The following SYK variants were observed in gnomAD, a reference collection of about 807,000 sequenced individuals.
SYK encodes the protein tyrosine-protein kinase SYK.
In SYK, 16 loss-of-function variants were observed where a neutral mutation model predicts 77.8. That is an observed-to-expected ratio of 0.21 (90% CI 0.14 to 0.31). SYK has a LOEUF of 0.31. Among genes scored for constraint, SYK ranks in the 10% least tolerant of loss-of-function variants. The pLI is 1.00. For synonymous variants in SYK, 312 were observed against 308.7 expected, an observed-to-expected ratio of 1.01 and a Z score of -0.11; for missense variants, 529 against 814.4, an observed-to-expected ratio of 0.65 and a Z score of 4.26.
At chr9:90,863,961 A>G (rs1827369792) in intron 4 of SYK, among the ~76,000 whole-genome samples, 2 of 152,232 alleles carry the variant, frequency 1.3e-5, no homozygotes, top group Non-Finnish European at 2.9e-5. Context: ...GGTAGATCAT[A>G]GCATTCATCC....
chr9:90,845,686 A>G, intron 3 of SYK, 92 bp downstream of exon 3: 1 of 1,479,586 alleles, frequency 6.8e-7, no homozygotes, highest in Non-Finnish European at 9.2e-7. Context: ...GCCCCACATG[A>G]CCCTGGGAAG....
chr9:90,821,654 G>A (rs961311687), intron 1 of SYK, among the ~76,000 whole-genome samples: 7 of 152,158 alleles, frequency 4.6e-5, no homozygotes, highest in African/African-American at 1.4e-4. Context: ...TCACAGAGTG[G>A]CACAAAATTT....
chr9:90,831,696 G>A lies in SYK; in HGVS notation c.-41-12162G>A, dbSNP rs181531227. On this transcript the variant is annotated intron_variant, in intron 1 of 13. Coordinates refer to ENST00000375754, the MANE Select transcript of SYK (RefSeq NM_003177.7). ...TCACAGCACTTTTGCAGTCATTTGT[G>A]ACGTGCACAAAGCAGTGAAAAATTT... 3.5e-4 allele frequency among the ~76,000 whole-genome samples: 53 copies of A among 152,318 alleles called. No homozygotes were observed. In the East Asian group the frequency reaches 9.6e-3, roughly 28 times the overall value.
At chr9:90,836,094 C>G (rs1388231617) in intron 1 of SYK, among the ~76,000 whole-genome samples, 1 of 152,080 alleles carries the variant, frequency 6.6e-6, no homozygotes, top group African/African-American at 2.4e-5. Context: ...CGAGATCATC[C>G]TGGCTAACAA....
At chr9:90,831,041 G>A (rs1825870860) in intron 1 of SYK, among the ~76,000 whole-genome samples, 1 of 152,182 alleles carries the variant, frequency 6.6e-6, no homozygotes, top group African/African-American at 2.4e-5. Context: ...TGATAAGCCT[G>A]GATATCTTTC....
chr9:90,837,692 A>C (rs1361159992), intron 1 of SYK, among the ~76,000 whole-genome samples: 1 of 152,168 alleles, frequency 6.6e-6, no homozygotes, highest in Admixed American at 6.5e-5. Context: ...GAAAGGAAGG[A>C]CCAGGTGAGA....
chr9:90,854,975 C>T (rs1826964482), intron 3 of SYK, among the ~76,000 whole-genome samples: 1 of 149,108 alleles, frequency 6.7e-6, no homozygotes, highest in Non-Finnish European at 1.5e-5. Flanking sequence ...CTTCCCCCTA[C>T]AGCCCGCCTC....
chr9:90,868,779 A>G (rs1428549721), intron 7 of SYK, among the ~76,000 whole-genome samples: 1 of 152,192 alleles, frequency 6.6e-6, no homozygotes, highest in Non-Finnish European at 1.5e-5. Flanking sequence ...TCTGTAAGAA[A>G]GGCTCTGCAA....
intron 1 of SYK, among the ~76,000 whole-genome samples, chr9:90,835,281 G>A (rs1826029866): frequency 6.6e-6 from 1 of 152,234 alleles, no homozygotes; most frequent in Non-Finnish European, 1.5e-5. Flanking sequence ...GAAAAGGGAA[G>A]CTGTTCATTC....
At chr9:90,852,411 C>T (rs183126662) in intron 3 of SYK, among the ~76,000 whole-genome samples, 4 of 152,336 alleles carry the variant, frequency 2.6e-5, no homozygotes, top group African/African-American at 9.6e-5. Context: ...TTCTCCCACA[C>T]ACATCGCTCT....
intron 3 of SYK, among the ~76,000 whole-genome samples, chr9:90,856,442 C>T (rs190732123): frequency 1.4e-3 from 218 of 152,156 alleles, no homozygotes; most frequent in Middle Eastern, 3.4e-3. Context: ...TTTTTATTTT[C>T]CCTTGCCTTT....
rs1354824446 is a variant in SYK, at chr9:90,896,429, A to T, written c.*829A>T. On this transcript the variant is annotated 3_prime_UTR_variant, in exon 14 of 14. Coordinates refer to ENST00000375754, the MANE Select transcript of SYK (RefSeq NM_003177.7). The stretch of plus-strand genomic sequence containing the variant: ...AGGCCCATCCCCCAGCATCTCACTG[A>T]GGACAGCTTCAGGCTGCCTTCCTCT... 1 of 233,208 alleles carries T rather than the reference A, an allele frequency of 4.3e-6. No individual in the cohort carries two copies. The highest frequency in any genetic ancestry group is 2.2e-5 in the African/African-American group (1 of 45,366). 14.4% of individuals were successfully genotyped at this position (233,208 alleles called of 1,614,324 possible).
chr9:90,891,467 G>T (rs901875440), intron 13 of SYK, among the ~76,000 whole-genome samples: 1 of 152,108 alleles, frequency 6.6e-6, no homozygotes, highest in African/African-American at 2.4e-5. Context: ...CCTCCATGTT[G>T]AATATCCCTG....
At chr9:90,844,372 A>G in intron 2 of SYK, 57 bp downstream of exon 2, 1 of 1,473,970 alleles carries the variant, frequency 6.8e-7, no homozygotes, top group Non-Finnish European at 9.0e-7. Context: ...CCCCACACAG[A>G]CTTCCTGGCT....
chr9:90,867,298 C>T (rs1827540028), intron 7 of SYK, 99 bp downstream of exon 7: 3 of 1,204,018 alleles, frequency 2.5e-6, no homozygotes, highest in East Asian at 2.3e-5. Flanking sequence ...CGCTGCCCCC[C>T]ATCTCTTGCC....
intron 4 of SYK, among the ~76,000 whole-genome samples, chr9:90,862,960 T>C (rs952815835): frequency 1.3e-5 from 2 of 152,314 alleles, no homozygotes; most frequent in African/African-American, 4.8e-5. Flanking sequence ...GGCTCCAGGC[T>C]GCTGCTTATG....
At chr9:90,829,079 A>G (rs1384803184) in intron 1 of SYK, among the ~76,000 whole-genome samples, 3 of 152,204 alleles carry the variant, frequency 2.0e-5, no homozygotes, top group African/African-American at 7.2e-5. Context: ...TCATGAGGTC[A>G]GGAGTTTGAC....
At chr9:90,867,323 C>A (rs901348938) in intron 7 of SYK, 124 bp downstream of exon 7, 5 of 978,506 alleles carry the variant, frequency 5.1e-6, no homozygotes, top group Middle Eastern at 2.1e-4. Context: ...TGCTTCCAGG[C>A]CTCTTTGCCC....
rs771362366 is a variant in SYK at position 90,844,139 on chromosome 9, A to G, written c.241A>G (p.Thr81Ala). The change falls in exon 2 of 14, where the codon ACC becomes GCC. Residue 81 changes from threonine (T) to alanine (A), a missense_variant. Transcript: ENST00000375754. Reference sequence around the variant, plus strand: ...CACCTACGCCATCGCCGGTGGCAGGACCCATGCCAGCCCCGCCGACCTCTG... The same window carrying G: ...CACCTACGCCATCGCCGGTGGCAGGGCCCATGCCAGCCCCGCCGACCTCTG... The part of the protein sequence containing the change: ...NGTYAIAGGR[T>A]HASPADLCHY... 1 of 1,613,958 alleles carries G rather than the reference A, an allele frequency of 6.2e-7. No individual in the cohort carries two copies. The highest frequency in any genetic ancestry group is 1.3e-5 in the African/African-American group (1 of 75,050).
Sources: gnomAD v4.1 joint callset for allele counts (sites outside exome capture counted in the v4.1 genomes callset) on GRCh38, gnomAD v4.1.1 for gene constraint, MANE v1.5 for transcripts, NCBI Gene and HGNC (gene_info 2026-07-23, HGNC 2026-07-21) for gene names.